Variants in ZNF697 observed in about 807,000 individuals in gnomAD.
ZNF697 encodes the protein zinc finger protein 697.
In ZNF697, 23 loss-of-function variants were observed where a neutral mutation model predicts 32.4. The observed-to-expected ratio is 0.71, with a 90% CI of 0.51 to 1.01. The LOEUF (loss-of-function observed/expected upper bound fraction) is 1.01. ZNF697 is among the 50% of genes least tolerant of loss of function. ZNF697 has a pLI of 0.00. For synonymous variants in ZNF697, 418 were observed against 337.2 expected (o/e 1.24, Z -2.62); for missense variants, 930 against 794.0 (o/e 1.17, Z -2.06).
intron 1 of ZNF697, among the ~76,000 whole-genome samples, chr1:119,636,271 C>T (rs188991572): frequency 1.2e-4 from 18 of 152,256 alleles, no homozygotes; most frequent in South Asian, 6.2e-4. Flanking sequence ...TGCAACCATA[C>T]GGAAATGTGT....
chr1:119,641,499 T>TA (rs776661449), intron 1 of ZNF697, among the ~76,000 whole-genome samples: 1 of 152,036 alleles, frequency 6.6e-6, no homozygotes, highest in Non-Finnish European at 1.5e-5. Context: ...AAAACCCAAT[T>TA]AAAAATGGGC....
intron 1 of ZNF697, among the ~76,000 whole-genome samples, chr1:119,643,047 C>A (rs908150078): frequency 1.3e-5 from 2 of 152,162 alleles, no homozygotes; most frequent in African/African-American, 4.8e-5. Flanking sequence ...AGATGATGAG[C>A]CAAAGCAAAA....
rs1553230603 is a variant in ZNF697 at position 119,648,224 on chromosome 1, G to GGCTGGCTC, written c.-572_-571insGAGCCAGC. On this transcript the variant is annotated 5_prime_UTR_variant, in exon 1 of 3. Transcript: ENST00000421812. ...TGGTTGGCTGGCTGGCTGGCTGGCT[G>GGCTGGCTC]GCTGGCTGGCTCGCTGGCTGGCTGC... Among the ~76,000 whole-genome samples the GGCTGGCTC allele has an allele frequency of 1.9e-4, 29 of 150,772 alleles. No individual in the cohort carries two copies. The highest frequency in any genetic ancestry group is 6.7e-4 in the African/African-American group (27 of 40,430).
intron 1 of ZNF697, among the ~76,000 whole-genome samples, chr1:119,637,833 A>C (rs1453036629): frequency 6.6e-6 from 1 of 152,162 alleles, no homozygotes; most frequent in Non-Finnish European, 1.5e-5. Context: ...AAAAAAAAGC[A>C]GTTGTTTGAA....
intron 1 of ZNF697, among the ~76,000 whole-genome samples, chr1:119,632,204 C>A (rs1648799244): frequency 6.6e-6 from 1 of 152,216 alleles, no homozygotes; most frequent in Non-Finnish European, 1.5e-5. Context: ...GATGCCTCTA[C>A]TGAGCAAGGG....
intron 1 of ZNF697, among the ~76,000 whole-genome samples, chr1:119,633,845 G>GT (rs1648849456): frequency 6.6e-6 from 1 of 152,112 alleles, no homozygotes; most frequent in Non-Finnish European, 1.5e-5. Flanking sequence ...GAGTCTCAGG[G>GT]TATATGTGCT....
intron 1 of ZNF697, among the ~76,000 whole-genome samples, chr1:119,635,559 T>C (rs1648896707): frequency 6.6e-6 from 1 of 152,222 alleles, no homozygotes; most frequent in South Asian, 2.1e-4. Flanking sequence ...TAAACTGGAT[T>C]AGGGGTCCTA....
At chr1:119,624,913 A>G (rs1235046626) in intron 2 of ZNF697, among the ~76,000 whole-genome samples, 1 of 143,266 alleles carries the variant, frequency 7.0e-6, no homozygotes, top group Non-Finnish European at 1.5e-5. Context: ...TTTAAAGTAC[A>G]TTTGGTCAGT....
At chr1:119,643,081 G>A (rs1027367135) in intron 1 of ZNF697, among the ~76,000 whole-genome samples, 18 of 152,162 alleles carry the variant, frequency 1.2e-4, no homozygotes, top group Admixed American at 3.9e-4. Context: ...ATAAAACCCA[G>A]AAAGTTTATT....
chr1:119,631,247 G>A (rs756096132), intron 1 of ZNF697, among the ~76,000 whole-genome samples: 7 of 152,264 alleles, frequency 4.6e-5, no homozygotes, highest in Non-Finnish European at 8.8e-5. Context: ...CCCTGGCGTG[G>A]ATGGCACCGC....
At chr1:119,635,410 T>C (rs138409785) in intron 1 of ZNF697, among the ~76,000 whole-genome samples, 15 of 152,358 alleles carry the variant, frequency 9.8e-5, no homozygotes, top group African/African-American at 2.6e-4. Flanking sequence ...ATAGCTGTTA[T>C]GTTCAAAATA....
chr1:119,633,847 A>G (rs1379467327), intron 1 of ZNF697, among the ~76,000 whole-genome samples: 1 of 152,192 alleles, frequency 6.6e-6, no homozygotes, highest in Non-Finnish European at 1.5e-5. Flanking sequence ...GTCTCAGGGT[A>G]TATGTGCTAT....
At chr1:119,641,299 T>C (rs1649064323) in intron 1 of ZNF697, among the ~76,000 whole-genome samples, 1 of 152,134 alleles carries the variant, frequency 6.6e-6, no homozygotes, top group African/African-American at 2.4e-5. Flanking sequence ...TTTTGGTTTC[T>C]CAGTTCTGGA....
In ZNF697 at chr1:119,622,964, G is replaced by A. The variant is rs758422202; in HGVS notation, c.1379C>T (p.Thr460Ile). The part of the protein sequence containing the change: ...SHLVNHLRVH[T>I]GEKPFRCGQC... ...GCCACAGCGGAAGGGCTTCTCGCCG[G>A]TGTGCACGCGCAGGTGGTTCACCAG... is the stretch of plus-strand genomic sequence containing the variant. Residue 460 changes from threonine to isoleucine, a missense_variant, in exon 3 of 3, where the codon ACC becomes ATC. Transcript: ENST00000421812. 1 of 1,602,664 alleles carries A rather than the reference G, an allele frequency of 6.2e-7. No homozygotes were observed.
intron 1 of ZNF697, among the ~76,000 whole-genome samples, chr1:119,640,903 C>T (rs1649049333): frequency 6.6e-6 from 1 of 152,098 alleles, no homozygotes; most frequent in Non-Finnish European, 1.5e-5. Flanking sequence ...TCAAGAGTTT[C>T]ATGTTTTGTT....
rs1158519322 is a variant in ZNF697 at position 119,622,840 on chromosome 1, G to A, written c.1503C>T (p.Ser501=). The A allele has an allele frequency of 2.5e-6, 4 of 1,606,620 alleles. No homozygotes were observed. Among genetic ancestry groups the A allele is most frequent in the Non-Finnish European group, 8.5e-7 (1 of 1,176,238 alleles). ...KPYTCIECGK[S]FIQSSHLIRH... ...GGATCAGGTGGGAGCTCTGGATAAA[G>A]CTCTTGCCGCACTCGATGCACGTGT... The change falls in exon 3 of 3, where the codon AGC becomes AGT. Residue 501 remains serine (S), a synonymous_variant. Coordinates refer to ENST00000421812, the MANE Select transcript of ZNF697 (RefSeq NM_001080470.2).
chr1:119,631,583 CCCCCGCTTGGG>C (rs57856052), intron 1 of ZNF697, among the ~76,000 whole-genome samples: 108,321 of 151,622 alleles, frequency 0.71, 38,974 homozygotes, highest in East Asian at 0.92. Flanking sequence ...TCACTCCCAG[CCCCCGCTTGGG>C]CCCCGCTTGG....
At chr1:119,625,653 G>A (rs374514198) in intron 2 of ZNF697, among the ~76,000 whole-genome samples, 20 of 152,190 alleles carry the variant, frequency 1.3e-4, no homozygotes, top group African/African-American at 4.6e-4. Flanking sequence ...AAAAAGTACT[G>A]CGCCAGTGAG....
chr1:119,640,761 T>C (rs1271787804), intron 1 of ZNF697, among the ~76,000 whole-genome samples: 1 of 152,218 alleles, frequency 6.6e-6, no homozygotes, highest in African/African-American at 2.4e-5. Flanking sequence ...CAACATTTAA[T>C]CTTCAAAGTA....
Sources: gnomAD v4.1 joint callset for allele counts (sites outside exome capture counted in the v4.1 genomes callset) on GRCh38, gnomAD v4.1.1 for gene constraint, MANE v1.5 for transcripts, NCBI Gene and HGNC (gene_info 2026-07-23, HGNC 2026-07-21) for gene names.